The following GPC6 variants were observed in gnomAD, a reference collection of about 807,000 sequenced individuals.
GPC6 encodes the protein glypican-6.
Under a neutral mutation model 55.2 loss-of-function variants are expected in GPC6, and 14 were observed. That is an observed-to-expected ratio of 0.25 (90% confidence interval 0.17 to 0.40). GPC6 has a LOEUF of 0.40. Ranked by LOEUF, GPC6 falls within the 10% of genes least tolerant of loss-of-function variation. The pLI is 1.00. For missense variants in GPC6, 641 were observed against 708.5 expected, an observed-to-expected ratio of 0.90 and a Z score of 1.08; for synonymous variants, 278 against 259.6, an observed-to-expected ratio of 1.07 and a Z score of -0.68.
chr13:94,283,056 T>TA (rs879882591), intron 4 of GPC6, among the ~76,000 whole-genome samples: 1 of 152,226 alleles, frequency 6.6e-6, no homozygotes, highest in African/African-American at 2.4e-5. Context: ...TAATTTAACA[T>TA]AAAAAAGATC....
At chr13:94,221,486 T>C (rs1169750165) in intron 4 of GPC6, among the ~76,000 whole-genome samples, 1 of 152,128 alleles carries the variant, frequency 6.6e-6, no homozygotes, top group Non-Finnish European at 1.5e-5. Context: ...CACTGTAAAA[T>C]GCTTAGACCT....
chr13:94,149,916 A>T (rs1279527670), intron 4 of GPC6, among the ~76,000 whole-genome samples: 2 of 152,034 alleles, frequency 1.3e-5, no homozygotes, highest in Non-Finnish European at 2.9e-5. Flanking sequence ...CTGAGACTGG[A>T]ATGGTATCTT....
At chr13:93,608,067 G>T (rs768495938) in intron 2 of GPC6, among the ~76,000 whole-genome samples, 2 of 151,870 alleles carry the variant, frequency 1.3e-5, no homozygotes, top group Non-Finnish European at 2.9e-5. Flanking sequence ...TTATGGCATT[G>T]TATATTTTAT....
intron 3 of GPC6, among the ~76,000 whole-genome samples, chr13:93,949,523 G>C (rs2140371205): frequency 6.6e-6 from 1 of 152,248 alleles, no homozygotes; most frequent in South Asian, 2.1e-4. Context: ...CATGAGAACA[G>C]ATCAACAAAG....
At chr13:94,363,999 AAACAT>A (rs1439769067) in intron 6 of GPC6, among the ~76,000 whole-genome samples, 1 of 152,256 alleles carries the variant, frequency 6.6e-6, no homozygotes, top group Non-Finnish European at 1.5e-5. Flanking sequence ...GTGTTAAACA[AAACAT>A]AACATTGAAG....
chr13:93,427,082 G>A (rs71429522), intron 1 of GPC6, among the ~76,000 whole-genome samples: 35,201 of 147,950 alleles, frequency 0.24, 4,106 homozygotes, highest in Middle Eastern at 0.29. Context: ...TTTTGATGGG[G>A]TTGTTTGTTT....
chr13:93,428,691 T>C (rs1460652884), intron 1 of GPC6, among the ~76,000 whole-genome samples: 1 of 152,290 alleles, frequency 6.6e-6, no homozygotes, highest in Middle Eastern at 3.4e-3. Context: ...TTAGATCATC[T>C]CTTTCCATCT....
intron 2 of GPC6, among the ~76,000 whole-genome samples, chr13:93,695,063 T>C (rs781676310): frequency 6.6e-6 from 1 of 152,144 alleles, no homozygotes; most frequent in African/African-American, 2.4e-5. Context: ...GTTAAATCTG[T>C]GCTAAAAGAA....
intron 3 of GPC6, among the ~76,000 whole-genome samples, chr13:93,869,080 G>A (rs1594540216): frequency 6.6e-6 from 1 of 151,934 alleles, no homozygotes; most frequent in African/African-American, 2.4e-5. Flanking sequence ...ACTAAGTAAT[G>A]TAGCAAAATA....
intron 1 of GPC6, among the ~76,000 whole-genome samples, chr13:93,426,471 G>C (rs1039021487): frequency 8.9e-4 from 56 of 62,698 alleles, no homozygotes; most frequent in African/African-American, 2.2e-3. Context: ...CCACCTATGA[G>C]TGAGAATATG....
At chr13:94,030,972 T>G (rs1235893303) in intron 4 of GPC6, among the ~76,000 whole-genome samples, 1 of 152,094 alleles carries the variant, frequency 6.6e-6, no homozygotes, top group African/African-American at 2.4e-5. Context: ...AAAACTTCTG[T>G]GGTATTCCAA....
At chr13:93,872,238 TA>T (rs959688890) in intron 3 of GPC6, among the ~76,000 whole-genome samples, 8 of 151,962 alleles carry the variant, frequency 5.3e-5, no homozygotes, top group African/African-American at 1.7e-4. Context: ...AATTTGCCAG[TA>T]AAAAACACTT....
At chr13:93,677,886 A>G (rs1881703186) in intron 2 of GPC6, among the ~76,000 whole-genome samples, 1 of 152,158 alleles carries the variant, frequency 6.6e-6, no homozygotes, top group African/African-American at 2.4e-5. Context: ...ACTGATACCT[A>G]TGTAACTAAT....
intron 4 of GPC6, among the ~76,000 whole-genome samples, chr13:94,275,845 A>G (rs1014886520): frequency 1.3e-5 from 2 of 152,170 alleles, no homozygotes; most frequent in Admixed American, 6.6e-5. Flanking sequence ...CTTCCCTATA[A>G]TAAGGGAAAT....
chr13:94,110,505 A>C (rs1463175705), intron 4 of GPC6, among the ~76,000 whole-genome samples: 1 of 152,122 alleles, frequency 6.6e-6, no homozygotes, highest in Non-Finnish European at 1.5e-5. Flanking sequence ...GAAAGATTTG[A>C]TAGATGCCTG....
chr13:94,015,100 A>C (rs1287451451), intron 3 of GPC6, among the ~76,000 whole-genome samples: 3 of 152,178 alleles, frequency 2.0e-5, no homozygotes. Flanking sequence ...TAATCTTTTG[A>C]GGAACTGCCA....
intron 4 of GPC6, among the ~76,000 whole-genome samples, chr13:94,047,642 A>G (rs1028678427): frequency 2.0e-5 from 3 of 152,136 alleles, no homozygotes; most frequent in African/African-American, 2.4e-5. Flanking sequence ...AGTAGAAACT[A>G]CAAATATTCA....
At chr13:93,936,047 A>G (rs1878419997) in intron 3 of GPC6, among the ~76,000 whole-genome samples, 1 of 152,226 alleles carries the variant, frequency 6.6e-6, no homozygotes, top group African/African-American at 2.4e-5. Context: ...CACAAACAAC[A>G]GTAAAATACC....
At chr13:93,888,277 T>G (rs748992471) in intron 3 of GPC6, among the ~76,000 whole-genome samples, 3 of 152,142 alleles carry the variant, frequency 2.0e-5, no homozygotes, top group Non-Finnish European at 4.4e-5. Context: ...TTTATGAAGT[T>G]TGTTTTATGT....
Sources: allele counts gnomAD v4.1 joint callset (sites outside exome capture counted in the v4.1 genomes callset), GRCh38; gene constraint gnomAD v4.1.1; transcripts MANE v1.5; gene names NCBI Gene and HGNC (gene_info 2026-07-23, HGNC 2026-07-21).